AK9: variants seen among roughly 807,000 people sequenced by gnomAD.
The protein encoded by AK9 is adenylate kinase 9, also known as adenylate kinase domain containing 1.
Under a neutral mutation model 239.6 loss-of-function variants are expected in AK9, and 191 were observed. The ratio of observed to expected loss-of-function variants is 0.80; its 90% CI spans 0.71 to 0.90. The LOEUF is 0.90. AK9 is among the 40% of genes least tolerant of loss of function. AK9 has a pLI of 0.00. For missense variants in AK9, 1,995 were observed against 2,214.7 expected (o/e 0.90, Z 1.99); for synonymous variants, 689 against 721.0 (o/e 0.96, Z 0.71).
chr6:109,539,037 A>G (rs780056015), intron 27 of AK9, among the ~76,000 whole-genome samples: 2 of 151,744 alleles, frequency 1.3e-5, no homozygotes, highest in Non-Finnish European at 2.9e-5. Flanking sequence ...TGCCCTTAAA[A>G]TTTTCTCCTT....
chr6:109,510,647 T>A (rs1269111864), intron 32 of AK9, among the ~76,000 whole-genome samples: 1 of 152,128 alleles, frequency 6.6e-6, no homozygotes, highest in Non-Finnish European at 1.5e-5. Context: ...AGTCACCCAC[T>A]GTGGGTCTCC....
intron 13 of AK9, among the ~76,000 whole-genome samples, chr6:109,615,628 T>G (rs1463387165): frequency 6.6e-6 from 1 of 152,180 alleles, no homozygotes; most frequent in African/African-American, 2.4e-5. Flanking sequence ...TTGTTTTTTG[T>G]AATCTCTTGG....
intron 17 of AK9, among the ~76,000 whole-genome samples, chr6:109,590,781 A>ACAAT (rs1210652938): frequency 3.9e-5 from 6 of 152,162 alleles, no homozygotes; most frequent in African/African-American, 1.4e-4. Context: ...CATTGATCCA[A>ACAAT]CAATCATTCA....
At position 109,674,068 on chromosome 6, in the gene AK9, A is replaced by G. The variant is rs962034070; in HGVS notation, c.181+130T>C. Reference sequence around the variant, plus strand: ...TAGGTGGACAAATGTGTGATAAAGCAAATATAGCAAAACGTTAATCACAGA... The same window carrying G: ...TAGGTGGACAAATGTGTGATAAAGCGAATATAGCAAAACGTTAATCACAGA... On this transcript the variant is annotated intron_variant, in intron 3 of 40. Transcript: ENST00000424296. 7 of 564,428 alleles carry G rather than the reference A, an allele frequency of 1.2e-5. No individual in the cohort carries two copies. The African/African-American group carries it at 1.4e-4, about 11-fold the overall frequency. The allele number at this position is 564,428 out of a possible 1,614,324, so 35.0% of individuals were successfully genotyped here. A position where few individuals can be genotyped will look rare whatever the true frequency, so the allele number is the denominator to read the frequency against.
rs149744860 is a variant in AK9, at chr6:109,499,763, T to A, written c.4850-523A>T. Among the ~76,000 whole-genome samples, 173 of 152,264 alleles carry A rather than the reference T, an allele frequency of 1.1e-3. 2 individuals are homozygous for A. The highest frequency in any genetic ancestry group is 3.4e-3 in the Middle Eastern group (1 of 294). On this transcript the variant is annotated intron_variant, in intron 35 of 40. Coordinates refer to ENST00000424296, the MANE Select transcript of AK9 (RefSeq NM_001145128.3). ...ACAGATGTGTACCATCACAGACGGC[T>A]AATTTTTTGTACTTTTAGTAGAGAC... is the stretch of plus-strand genomic sequence containing the variant.
Position 109,527,766 on chromosome 6 carries a change from C to T in AK9, c.3633+1245G>A, listed in dbSNP as rs545923234. On this transcript the variant is annotated intron_variant, in intron 29 of 40. Transcript: ENST00000424296. ...TGACTTACAAAATCCTATTTAACCT[C>T]TACATAGAATATTGAATTTCCGAAT... 2.0e-5 allele frequency: 3 copies of T among 152,294 alleles called. No homozygotes were observed. In the East Asian group the frequency reaches 5.8e-4, roughly 29 times the overall value. The allele number at this position is 152,294 out of a possible 1,614,324, so 9.4% of individuals were successfully genotyped here. A position where few individuals can be genotyped will look rare whatever the true frequency, so the allele number is the denominator to read the frequency against.
At chr6:109,568,588 A>T (rs1786927090) in intron 21 of AK9, among the ~76,000 whole-genome samples, 2 of 152,242 alleles carry the variant, frequency 1.3e-5, no homozygotes, top group Non-Finnish European at 1.5e-5. Context: ...AAGTCTCAGG[A>T]TACAAAATCA....
At chr6:109,506,016 T>C (rs1778083253) in intron 35 of AK9, among the ~76,000 whole-genome samples, 1 of 152,150 alleles carries the variant, frequency 6.6e-6, no homozygotes, top group South Asian at 2.1e-4. Flanking sequence ...AAGCCTCTTC[T>C]ATAAGGGCAC....
chr6:109,570,078 C>T (rs928008200), intron 21 of AK9, among the ~76,000 whole-genome samples: 2 of 152,182 alleles, frequency 1.3e-5, no homozygotes, highest in Non-Finnish European at 2.9e-5. Flanking sequence ...TGCACATATA[C>T]ACCATGGAAT....
chr6:109,530,422 G>A (rs1253762994), intron 28 of AK9, among the ~76,000 whole-genome samples: 1 of 152,168 alleles, frequency 6.6e-6, no homozygotes, highest in Non-Finnish European at 1.5e-5. Flanking sequence ...CTTAACTGGT[G>A]AGAATTTACA....
chr6:109,657,382 G>A (rs1799831547), intron 7 of AK9, among the ~76,000 whole-genome samples: 2 of 152,020 alleles, frequency 1.3e-5, no homozygotes, highest in Non-Finnish European at 1.5e-5. Flanking sequence ...TATATTAGGT[G>A]GTGGTAAGTA....
intron 25 of AK9, among the ~76,000 whole-genome samples, chr6:109,548,303 G>A (rs542796556): frequency 6.6e-6 from 1 of 152,168 alleles, no homozygotes; most frequent in South Asian, 2.1e-4. Context: ...TCTAGTTTGA[G>A]GCACTAAGAA....
intron 35 of AK9, among the ~76,000 whole-genome samples, chr6:109,502,768 CT>C (rs1365843533): frequency 6.6e-6 from 1 of 152,230 alleles, no homozygotes; most frequent in African/African-American, 2.4e-5. Context: ...CAGCAAGGAA[CT>C]GAGGTCCTCA....
At chr6:109,514,559 A>C in intron 31 of AK9, 122 bp from the exon 32 acceptor site, 1 of 820,464 alleles carries the variant, frequency 1.2e-6, no homozygotes, top group Non-Finnish European at 1.9e-6. Context: ...GAATAAGAAA[A>C]CTAATTATAA....
At chr6:109,684,518 C>G (rs1294122609) in intron 1 of AK9, among the ~76,000 whole-genome samples, 1 of 152,046 alleles carries the variant, frequency 6.6e-6, no homozygotes, top group African/African-American at 2.4e-5. Flanking sequence ...GGGCTAATAT[C>G]CAGAATCTAC....
At chr6:109,587,927 T>C (rs889554430) in intron 17 of AK9, among the ~76,000 whole-genome samples, 1 of 152,224 alleles carries the variant, frequency 6.6e-6, no homozygotes, top group African/African-American at 2.4e-5. Flanking sequence ...AATAATTTCC[T>C]TTTCTTTGCA....
At chr6:109,606,396 G>A (rs1157933813) in intron 17 of AK9, among the ~76,000 whole-genome samples, 1 of 152,128 alleles carries the variant, frequency 6.6e-6, no homozygotes, top group Non-Finnish European at 1.5e-5. Flanking sequence ...AGTACATGGT[G>A]CGAAGTACAC....
intron 1 of AK9, among the ~76,000 whole-genome samples, chr6:109,677,529 T>G (rs1771934469): frequency 6.6e-6 from 1 of 152,146 alleles, no homozygotes; most frequent in Non-Finnish European, 1.5e-5. Context: ...AGAGTCTGTG[T>G]GTGTGTGATG....
At chr6:109,682,426 C>CAAAAAAA (rs57215335) in intron 1 of AK9, among the ~76,000 whole-genome samples, 817 of 68,456 alleles carry the variant, frequency 0.012, 77 homozygotes, top group African/African-American at 0.048. Context: ...GACTCCGTCT[C>CAAAAAAA]AAAAAAAAAA....
Sources: allele counts gnomAD v4.1 joint callset (sites outside exome capture counted in the v4.1 genomes callset), GRCh38; gene constraint gnomAD v4.1.1; transcripts MANE v1.5; gene names NCBI Gene and HGNC (gene_info 2026-07-23, HGNC 2026-07-21).